The following TSNARE1 variants were observed in gnomAD, a reference collection of about 807,000 sequenced individuals.
TSNARE1 encodes the protein t-SNARE domain-containing protein 1.
In TSNARE1, 49 loss-of-function variants were observed where a neutral mutation model predicts 62.0. That is an observed-to-expected ratio of 0.79 (90% CI 0.63 to 1.00). TSNARE1 has a LOEUF of 1.00. TSNARE1 is among the 50% of genes least tolerant of loss of function. The probability of loss-of-function intolerance (pLI) is 0.00; values close to 1 mark genes in which losing one functional copy is unlikely to be tolerated. For missense variants in TSNARE1, 755 were observed against 700.1 expected (o/e 1.08, Z -0.88); for synonymous variants, 328 against 294.4 (o/e 1.11, Z -1.17).
intron 13 of TSNARE1, among the ~76,000 whole-genome samples, chr8:142,222,121 T>TTCACTCACTCACCCACTCATTCAC (rs796467400): frequency 2.8e-5 from 3 of 107,344 alleles, no homozygotes; most frequent in African/African-American, 1.2e-4. Flanking sequence ...CATCCACTCA[T>TTCACTCACTCACCCACTCATTCAC]TCACTCACTC....
At position 142,276,997 on chromosome 8, in the gene TSNARE1, G is replaced by T. The variant is rs1820604000; in HGVS notation, c.1364-2134C>A. On this transcript the variant is annotated intron_variant, in intron 11 of 13. Coordinates refer to ENST00000524325, the MANE Select transcript of TSNARE1 (RefSeq NM_145003.5). ...CACAAGGGGAGGGGGGCTGCTCCCG[G>T]TGCTGTGCGGCCGCGTGTTGCTCGT... 4.1e-6 allele frequency: 4 copies of T among 985,486 alleles called. No homozygotes were observed. The African/African-American group carries it at 5.2e-5, about 13-fold the overall frequency. The allele number at this position is 985,486 out of a possible 1,614,324, so 61.0% of individuals were successfully genotyped here. A position where few individuals can be genotyped will look rare whatever the true frequency, so the allele number is the denominator to read the frequency against.
At chr8:142,401,132 A>C (rs1838261934) in intron 1 of TSNARE1, among the ~76,000 whole-genome samples, 1 of 152,112 alleles carries the variant, frequency 6.6e-6, no homozygotes. Flanking sequence ...TGACTCCCTG[A>C]TTCCATCTCA....
intron 6 of TSNARE1, among the ~76,000 whole-genome samples, chr8:142,322,177 AG>A (rs1829565829): frequency 6.6e-6 from 1 of 152,242 alleles, no homozygotes; most frequent in African/African-American, 2.4e-5. Context: ...ATGCAGAAAA[AG>A]CATGTGACAA....
At chr8:142,269,072 A>G (rs1819298863) in intron 12 of TSNARE1, among the ~76,000 whole-genome samples, 1 of 152,246 alleles carries the variant, frequency 6.6e-6, no homozygotes, top group African/African-American at 2.4e-5. Flanking sequence ...AAGAGGCCTC[A>G]AGTTTGCCTT....
At chr8:142,359,335 G>A (rs184608779) in intron 1 of TSNARE1, among the ~76,000 whole-genome samples, 7 of 152,216 alleles carry the variant, frequency 4.6e-5, no homozygotes, top group Admixed American at 6.5e-5. Context: ...CGCTGGAGCC[G>A]TCCTCACCCA....
chr8:142,308,348 G>C (rs543957584), intron 9 of TSNARE1, among the ~76,000 whole-genome samples: 47 of 152,170 alleles, frequency 3.1e-4, no homozygotes, highest in Non-Finnish European at 6.2e-4. Context: ...TTTCGCACGT[G>C]GGTCTGTAGT....
Position 142,274,773 on chromosome 8 carries a change from G to A in TSNARE1, c.1446+8C>T, listed in dbSNP as rs780482944. On this transcript the variant is annotated splice_region_variant and intron_variant, in intron 12 of 13. Transcript: ENST00000524325. ...CGGCCGGGCACTGTGGCCCTCACAC[G>A]GACTTACTTGGTGCCGGCTGGCTCC... The A allele has an allele frequency of 2.1e-5, 32 of 1,551,274 alleles. No homozygotes were observed. Among genetic ancestry groups the A allele is most frequent in the African/African-American group, 8.3e-5 (6 of 72,408 alleles).
chr8:142,271,548 C>T, intron 12 of TSNARE1: 1 of 1,379,672 alleles, frequency 7.2e-7, no homozygotes, highest in Non-Finnish European at 9.3e-7. Context: ...GGGGTGGAGG[C>T]TGGGGAAGCA....
intron 1 of TSNARE1, among the ~76,000 whole-genome samples, chr8:142,370,200 A>G (rs1375888803): frequency 6.6e-6 from 1 of 152,212 alleles, no homozygotes; most frequent in African/African-American, 2.4e-5. Flanking sequence ...ACTGTGAGAA[A>G]TACATTTCTG....
chr8:142,310,298 C>T (rs912659246), intron 9 of TSNARE1, among the ~76,000 whole-genome samples: 2 of 152,188 alleles, frequency 1.3e-5, no homozygotes, highest in African/African-American at 4.8e-5. Flanking sequence ...GCGAGGACGT[C>T]ATGACACTTT....
intron 2 of TSNARE1, among the ~76,000 whole-genome samples, chr8:142,350,976 G>A (rs1834026237): frequency 6.6e-6 from 1 of 152,252 alleles, no homozygotes; most frequent in African/African-American, 2.4e-5. Context: ...CACTTCAACT[G>A]CAGGTCGGGT....
At chr8:142,299,670 C>T (rs531997224) in intron 10 of TSNARE1, among the ~76,000 whole-genome samples, 2 of 151,604 alleles carry the variant, frequency 1.3e-5, no homozygotes, top group African/African-American at 2.4e-5. Context: ...CATGCACACA[C>T]GCACTCACAT....
intron 12 of TSNARE1, among the ~76,000 whole-genome samples, chr8:142,240,641 A>C (rs1165811773): frequency 6.6e-6 from 1 of 152,230 alleles, no homozygotes; most frequent in Non-Finnish European, 1.5e-5. Context: ...TGTTGGACAT[A>C]AAAGAAATTC....
chr8:142,300,763 G>GGATGATCTGGGTCTGAGGC, intron 9 of TSNARE1, 119 bp from the exon 10 acceptor site: 1 of 1,212,108 alleles, frequency 8.3e-7, no homozygotes, highest in South Asian at 1.6e-5. Flanking sequence ...CTCTCTGAGG[G>GGATGATCTGGGTCTGAGGC]GACGATCTGG....
intron 1 of TSNARE1, among the ~76,000 whole-genome samples, chr8:142,369,523 G>A (rs964442989): frequency 6.6e-6 from 1 of 152,228 alleles, no homozygotes; most frequent in Admixed American, 6.5e-5. Flanking sequence ...GCCAGACTGA[G>A]GAGAGGTCAG....
At chr8:142,340,449 G>A (rs118117659) in intron 4 of TSNARE1, among the ~76,000 whole-genome samples, 2,537 of 152,284 alleles carry the variant, frequency 0.017, 31 homozygotes, top group East Asian at 0.068. Context: ...CTGAGGGTGG[G>A]GTGACTGCCT....
At chr8:142,240,996 C>T (rs1310859780) in intron 12 of TSNARE1, among the ~76,000 whole-genome samples, 1 of 152,204 alleles carries the variant, frequency 6.6e-6, no homozygotes, top group Non-Finnish European at 1.5e-5. Flanking sequence ...CTACTCAACA[C>T]AGCACTGAAA....
In TSNARE1 at chr8:142,252,088, G is replaced by A. The variant is rs892616187; in HGVS notation, c.1447-22509C>T. Among the ~76,000 whole-genome samples, 116 of 145,108 alleles carry A rather than the reference G, an allele frequency of 8.0e-4. 1 individual carries two copies. The highest frequency in any genetic ancestry group is 4.7e-4 in the Non-Finnish European group (31 of 66,044). On this transcript the variant is annotated intron_variant, in intron 12 of 13. Coordinates refer to ENST00000524325, the MANE Select transcript of TSNARE1 (RefSeq NM_145003.5). ...CCCGGGCACCATGTACCCACCGCTC[G>A]CGTTCTCTATCTGCAGGGCCCGGGC...
At chr8:142,312,157 TC>T (rs1374094478) in intron 9 of TSNARE1, among the ~76,000 whole-genome samples, 1 of 152,240 alleles carries the variant, frequency 6.6e-6, no homozygotes, top group East Asian at 1.9e-4. Context: ...AATGAGCATT[TC>T]CTTTGTGCGT....
Sources: gnomAD v4.1 joint callset for allele counts (sites outside exome capture counted in the v4.1 genomes callset) on GRCh38, gnomAD v4.1.1 for gene constraint, MANE v1.5 for transcripts, NCBI Gene and HGNC (gene_info 2026-07-23, HGNC 2026-07-21) for gene names.